The following MCF2 variants were observed in gnomAD, a reference collection of about 807,000 sequenced individuals.
MCF2 encodes MCF.2 cell line derived transforming sequence.
A neutral mutation model predicts 82.5 loss-of-function variants in MCF2; 44 were observed. The ratio of observed to expected loss-of-function variants is 0.53; its 90% CI spans 0.42 to 0.69. The LOEUF is 0.69. Ranked by LOEUF, MCF2 falls within the 30% of genes least tolerant of loss-of-function variation. The probability of loss-of-function intolerance (pLI) is 0.00; values close to 1 mark genes in which losing one functional copy is unlikely to be tolerated. For missense variants in MCF2, 623 were observed against 663.1 expected (o/e 0.94, Z 0.66); for synonymous variants, 217 against 224.9 (o/e 0.96, Z 0.32).
At chrX:139,642,029 C>A (rs1603298246) in intron 1 of MCF2, among the ~76,000 whole-genome samples, 1 of 111,282 alleles carries the variant, frequency 9.0e-6, no homozygotes, top group East Asian at 2.8e-4. Flanking sequence ...CGGTAACACC[C>A]AGGAAAGGCT....
chrX:139,669,382 C>A (rs943566405), intron 1 of MCF2, among the ~76,000 whole-genome samples: 1 of 112,036 alleles, frequency 8.9e-6, no homozygotes, highest in African/African-American at 3.2e-5. Flanking sequence ...TGGACAAGAA[C>A]AAGTGTTGAT....
intron 1 of MCF2, among the ~76,000 whole-genome samples, chrX:139,680,509 A>G (rs938068342): frequency 5.3e-5 from 6 of 112,311 alleles, no homozygotes; most frequent in Non-Finnish European, 7.5e-5. Flanking sequence ...CTTGCAGTGT[A>G]AACGAGTAGG....
chrX:139,676,857 T>A (rs1934878068), intron 1 of MCF2, among the ~76,000 whole-genome samples: 1 of 111,764 alleles, frequency 8.9e-6, no homozygotes, highest in African/African-American at 3.3e-5. Flanking sequence ...TAGTCAGACA[T>A]GAGCAGGGCA....
At chrX:139,647,177 G>T (rs1023520201), upstream of MCF2, among the ~76,000 whole-genome samples, 1 of 111,868 alleles carries the variant, frequency 8.9e-6, no homozygotes, top group Non-Finnish European at 1.9e-5. Context: ...AAATACAGTG[G>T]AAAATAGCTG....
At chrX:139,614,887 T>C in exon 10 of MCF2, 2 of 1,203,380 alleles carry the variant, frequency 1.7e-6, no homozygotes, top group Non-Finnish European at 2.2e-6. Context: ...TTACCTTGTT[T>C]AGATGAAAAA....
At chrX:139,664,883 G>C (rs1215702433) in intron 1 of MCF2, among the ~76,000 whole-genome samples, 1 of 111,380 alleles carries the variant, frequency 9.0e-6, no homozygotes, top group Non-Finnish European at 1.9e-5. Context: ...TCTTTAGTCA[G>C]CAAGTGATGG....
At chrX:139,686,445 G>C (rs192937409) in intron 1 of MCF2, among the ~76,000 whole-genome samples, 1 of 110,415 alleles carries the variant, frequency 9.1e-6, no homozygotes, top group Middle Eastern at 4.7e-3. Context: ...TCATTTGAGC[G>C]TGGGAGGCGG....
chrX:139,614,760 A>G (rs1931766232), intron 10 of MCF2, 121 bp downstream of exon 13: 5 of 665,207 alleles, frequency 7.5e-6, no homozygotes, highest in Non-Finnish European at 6.9e-6. Flanking sequence ...AAATATGACC[A>G]AAGATGCTAA....
At chrX:139,652,061 G>C (rs1934040019) in intron 1 of MCF2, among the ~76,000 whole-genome samples, 1 of 111,784 alleles carries the variant, frequency 8.9e-6, no homozygotes, top group Non-Finnish European at 1.9e-5. Context: ...CAAGGACAAA[G>C]GCACAAACTC....
At chrX:139,622,566 T>C (rs1434804468) in intron 6 of MCF2, among the ~76,000 whole-genome samples, 2 of 111,228 alleles carry the variant, frequency 1.8e-5, no homozygotes, top group Non-Finnish European at 3.8e-5. Flanking sequence ...TATGATGAGT[T>C]CATGTCCTTT....
chrX:139,665,315 C>T (rs1472990723), intron 1 of MCF2, among the ~76,000 whole-genome samples: 1 of 111,800 alleles, frequency 8.9e-6, no homozygotes, highest in African/African-American at 3.3e-5. Flanking sequence ...CACCCCATGG[C>T]AGCGAGCTTG....
exon 25 of MCF2, chrX:139,582,086 T>C (rs1182012413): frequency 4.6e-6 from 1 of 219,427 alleles, no homozygotes; most frequent in East Asian, 1.2e-4. Context: ...AATCATAATG[T>C]TGTGCTTTAC....
In MCF2 at chrX:139,704,878, GA is replaced by G. The variant is rs1350447688; in HGVS notation, c.-45+3227del. ...GCTAATGGCATTCTTCACACAATTA[GA>G]AAAAAAAAAAACTATTCTAAAATTC... On this transcript the variant is annotated intron_variant, in intron 1 of 27. Transcript: ENST00000414978. 8.8e-4 allele frequency among the ~76,000 whole-genome samples: 86 copies of G among 97,794 alleles called. No individual in the cohort carries two copies. The South Asian group carries it at 0.015, about 17-fold the overall frequency. 84.9% of individuals were successfully genotyped at this position (97,794 alleles called of 115,157 possible). A position where few individuals can be genotyped will look rare whatever the true frequency, so the allele number is the denominator to read the frequency against.
chrX:139,671,096 C>T (rs1223196938), intron 1 of MCF2, among the ~76,000 whole-genome samples: 3 of 112,327 alleles, frequency 2.7e-5, no homozygotes, highest in Middle Eastern at 4.7e-3. Flanking sequence ...TGTCTGTTGG[C>T]TGCATAAATG....
At chrX:139,600,889 C>A (rs146575585) in intron 16 of MCF2, among the ~76,000 whole-genome samples, 1,718 of 111,200 alleles carry the variant, frequency 0.015, 11 homozygotes, top group Non-Finnish European at 0.026. Context: ...AAAGTGAAGA[C>A]AACAGAAGAT....
chrX:139,693,106 A>T (rs779437833), intron 1 of MCF2, among the ~76,000 whole-genome samples: 14 of 111,478 alleles, frequency 1.3e-4, no homozygotes, highest in Middle Eastern at 9.2e-3. Context: ...GACTGGGCCG[A>T]GGGAAGATGG....
intron 1 of MCF2, among the ~76,000 whole-genome samples, chrX:139,662,190 ATAT>A (rs1934374327): frequency 1.8e-5 from 2 of 111,765 alleles, no homozygotes; most frequent in African/African-American, 6.5e-5. Context: ...AAACTATAAA[ATAT>A]TATTGAAAGA....
intron 6 of MCF2, among the ~76,000 whole-genome samples, chrX:139,623,858 G>C (rs1046318992): frequency 1.2e-4 from 14 of 112,211 alleles, no homozygotes; most frequent in Non-Finnish European, 1.7e-4. Context: ...ATGTGGACTG[G>C]ACATGGGAGT....
chrX:139,651,139 ACTTAATGCCGCTGAACTGTACTCTT>A (rs1933992255), intron 2 of MCF2, among the ~76,000 whole-genome samples: 1 of 99,067 alleles, frequency 1.0e-5, no homozygotes, highest in Non-Finnish European at 1.9e-5. Flanking sequence ...ATGTAAACGT[ACTTAATGCCGCTGAACTGTACTCTT>A]CAAAATGGTT....
Sources: gnomAD v4.1 joint callset for allele counts (sites outside exome capture counted in the v4.1 genomes callset) on GRCh38, gnomAD v4.1.1 for gene constraint, MANE v1.5 for transcripts, NCBI Gene and HGNC (gene_info 2026-07-23, HGNC 2026-07-21) for gene names.